VGLL4: variants seen among roughly 807,000 people sequenced by gnomAD.
The protein encoded by VGLL4 is vestigial like family member 4.
Under a neutral mutation model 21.0 loss-of-function variants are expected in VGLL4, and 7 were observed. The ratio of observed to expected loss-of-function variants is 0.33; its 90% CI spans 0.19 to 0.63. VGLL4 has a LOEUF of 0.63. Ranked by LOEUF, VGLL4 falls within the 20% of genes least tolerant of loss-of-function variation. The pLI is 0.78. For missense variants in VGLL4, 394 were observed against 425.7 expected (o/e 0.93, Z 0.66); for synonymous variants, 222 against 173.2 (o/e 1.28, Z -2.21).
chr3:11,610,377 T>C (rs1016621171), intron 1 of VGLL4: 12 of 152,254 alleles, frequency 7.9e-5, no homozygotes, highest in Non-Finnish European at 1.8e-4. Flanking sequence ...CTTTTTTCTT[T>C]TTTTATAGGA....
chr3:11,703,432 T>G (rs574501661), intron 1 of VGLL4, among the ~76,000 whole-genome samples: 149 of 152,312 alleles, frequency 9.8e-4, no homozygotes, highest in Middle Eastern at 3.4e-3. Context: ...TCACTACCAG[T>G]GAGGTGGTGC....
chr3:11,573,304 A>G (rs200833743), intron 2 of VGLL4, among the ~76,000 whole-genome samples: 1,332 of 11,922 alleles, frequency 0.11, 119 homozygotes, highest in Admixed American at 0.14. Context: ...AGAAAGAAAG[A>G]AAGGAAGGAA....
At chr3:11,663,783 G>A (rs553452954) in intron 2 of VGLL4, among the ~76,000 whole-genome samples, 8 of 152,244 alleles carry the variant, frequency 5.3e-5, no homozygotes, top group South Asian at 2.1e-4. Context: ...GGGTTTGGAC[G>A]GTTCTGTTAT....
At chr3:11,560,468 G>A (rs991442850) in intron 3 of VGLL4, among the ~76,000 whole-genome samples, 2 of 152,162 alleles carry the variant, frequency 1.3e-5, no homozygotes, top group Non-Finnish European at 2.9e-5. Context: ...GAGGGACGCT[G>A]GGCCTTATCC....
intron 1 of VGLL4, among the ~76,000 whole-genome samples, chr3:11,602,969 C>T (rs895821802): frequency 6.6e-6 from 1 of 152,182 alleles, no homozygotes; most frequent in African/African-American, 2.4e-5. Context: ...TTGTGCTGTA[C>T]ATTTTGGTCT....
At chr3:11,602,733 T>C (rs1011196861) in intron 1 of VGLL4, among the ~76,000 whole-genome samples, 1 of 152,252 alleles carries the variant, frequency 6.6e-6, no homozygotes, top group African/African-American at 2.4e-5. Context: ...ACATTTCCAT[T>C]TGATTTGACA....
chr3:11,563,466 A>G (rs2073211415), intron 3 of VGLL4, among the ~76,000 whole-genome samples: 1 of 152,308 alleles, frequency 6.6e-6, no homozygotes, highest in South Asian at 2.1e-4. Flanking sequence ...GCTGCCCAAC[A>G]GCACAATCCT....
chr3:11,604,518 T>C (rs7643462), intron 1 of VGLL4: 886,825 of 946,262 alleles, frequency 0.94, 423,510 homozygotes, highest in African/African-American at 0.95. Flanking sequence ...CTAGATGGCC[T>C]TAACCCAACA....
At position 11,557,073 on chromosome 3, in the gene VGLL4, C is replaced by T. The variant is rs2072497017; in HGVS notation, c.*1483G>A. On this transcript the variant is annotated 3_prime_UTR_variant, in exon 5 of 5. Transcript: ENST00000430365. ...GGTGACCACGCCCACGTCACCTGGT[C>T]AGGTGCCATCGTCGTGAGCCTCTGG... 1 of 152,466 alleles carries T rather than the reference C, an allele frequency of 6.6e-6. No individual in the cohort carries two copies. The highest frequency in any genetic ancestry group is 6.5e-5 in the Admixed American group (1 of 15,284). 9.4% of individuals were successfully genotyped at this position (152,466 alleles called of 1,614,324 possible). A position where few individuals can be genotyped will look rare whatever the true frequency, so the allele number is the denominator to read the frequency against.
chr3:11,661,193 G>GC (rs1450455699), intron 2 of VGLL4, among the ~76,000 whole-genome samples: 5 of 152,068 alleles, frequency 3.3e-5, no homozygotes, highest in Admixed American at 1.3e-4. Flanking sequence ...GGTTGCCAGT[G>GC]CCCCCCGACT....
chr3:11,563,623 A>G (rs558230762), intron 3 of VGLL4, among the ~76,000 whole-genome samples: 1 of 152,230 alleles, frequency 6.6e-6, no homozygotes, highest in Non-Finnish European at 1.5e-5. Context: ...AATGAACAGC[A>G]GTGATAACTT....
intron 2 of VGLL4, among the ~76,000 whole-genome samples, chr3:11,592,427 A>C (rs1476919172): frequency 6.6e-6 from 1 of 152,172 alleles, no homozygotes; most frequent in Non-Finnish European, 1.5e-5. Flanking sequence ...ACAATCCCTG[A>C]GGGAACCCTG....
intron 2 of VGLL4, among the ~76,000 whole-genome samples, chr3:11,660,027 T>A (rs1458893518): frequency 6.6e-6 from 1 of 152,014 alleles, no homozygotes; most frequent in African/African-American, 2.4e-5. Flanking sequence ...CCGGGCGTGG[T>A]GGTGGGCACC....
intron 2 of VGLL4, among the ~76,000 whole-genome samples, chr3:11,649,441 T>C (rs2075837535): frequency 6.6e-6 from 1 of 152,236 alleles, no homozygotes; most frequent in South Asian, 2.1e-4. Context: ...AATTTCTAAC[T>C]AGCCTACAAA....
intron 2 of VGLL4, among the ~76,000 whole-genome samples, chr3:11,700,251 C>T (rs1194837543): frequency 5.3e-5 from 8 of 152,084 alleles, no homozygotes; most frequent in Admixed American, 4.6e-4. Context: ...CTTTACTCTC[C>T]CCACTTAAAG....
intron 2 of VGLL4, among the ~76,000 whole-genome samples, chr3:11,600,663 T>C (rs1435348638): frequency 2.6e-5 from 4 of 152,156 alleles, no homozygotes; most frequent in African/African-American, 9.7e-5. Context: ...CCAAGCTGAC[T>C]GGAACGAGCG....
intron 2 of VGLL4, among the ~76,000 whole-genome samples, chr3:11,690,045 C>T (rs1439828401): frequency 6.6e-6 from 1 of 152,162 alleles, no homozygotes; most frequent in East Asian, 1.9e-4. Flanking sequence ...ACACAGTTCT[C>T]AGTTTTTAGC....
chr3:11,652,486 G>A (rs550323255), intron 2 of VGLL4, among the ~76,000 whole-genome samples: 1 of 152,206 alleles, frequency 6.6e-6, no homozygotes, highest in East Asian at 1.9e-4. Flanking sequence ...GTGGCGCGAT[G>A]TCTGCTCACT....
At chr3:11,703,061 A>G in intron 1 of VGLL4, 1 of 1,526,334 alleles carries the variant, frequency 6.6e-7, no homozygotes, top group South Asian at 1.1e-5. Flanking sequence ...AGAGGAAAAA[A>G]TAAAAGGGGA....
Sources: gnomAD v4.1 joint callset for allele counts (sites outside exome capture counted in the v4.1 genomes callset) on GRCh38, gnomAD v4.1.1 for gene constraint, MANE v1.5 for transcripts, NCBI Gene and HGNC (gene_info 2026-07-23, HGNC 2026-07-21) for gene names.